The following AGMO variants were observed in gnomAD, a reference collection of about 807,000 sequenced individuals.
AGMO encodes the protein glyceryl-ether monooxygenase.
A neutral mutation model predicts 60.2 loss-of-function variants in AGMO; 75 were observed. The ratio of observed to expected loss-of-function variants is 1.25; its 90% CI spans 1.03 to 1.51. AGMO has a LOEUF of 1.51. Ranked by LOEUF, AGMO falls within the 40% of genes most tolerant of loss-of-function variation. The pLI is 0.00. For missense variants in AGMO, 763 were observed against 525.5 expected, an observed-to-expected ratio of 1.45 and a Z score of -4.42; for synonymous variants, 261 against 177.1, an observed-to-expected ratio of 1.47 and a Z score of -3.76.
At chr7:15,321,503 TC>T (rs1485938568) in intron 12 of AGMO, among the ~76,000 whole-genome samples, 1 of 152,116 alleles carries the variant, frequency 6.6e-6, no homozygotes, top group East Asian at 1.9e-4. Context: ...AGAATGGAGT[TC>T]TTGAGAATGT....
chr7:15,357,850 A>T (rs1011821640), intron 12 of AGMO, among the ~76,000 whole-genome samples: 8 of 152,210 alleles, frequency 5.3e-5, no homozygotes, highest in African/African-American at 1.7e-4. Flanking sequence ...AGAAATAATA[A>T]ATCTTCATTT....
At chr7:15,415,140 T>C (rs1323232379) in intron 5 of AGMO, among the ~76,000 whole-genome samples, 2 of 152,004 alleles carry the variant, frequency 1.3e-5, no homozygotes, top group Admixed American at 6.6e-5. Context: ...TTTCTGTTCA[T>C]GAAAAGTCAT....
Position 15,373,485 on chromosome 7 carries a change from A to G in AGMO, c.1075-7263T>C, listed in dbSNP as rs35067323. Among the ~76,000 whole-genome samples the G allele has an allele frequency of 2.2e-3, 342 of 152,256 alleles. 1 individual carries two copies. Among genetic ancestry groups the G allele is most frequent in the Non-Finnish European group, 3.6e-3 (243 of 68,016 alleles). On this transcript the variant is annotated intron_variant, in intron 10 of 12. Transcript: ENST00000342526. ...TGTTTGACGCCATGTTACTTAATCA[A>G]TGAATGTGTGGGAATTCTTCTTTTG...
At chr7:15,201,417 C>T (rs1781277875) in intron 12 of AGMO, 58 bp from the exon 13 acceptor site, 3 of 1,203,028 alleles carry the variant, frequency 2.5e-6, no homozygotes, top group South Asian at 1.3e-5. Flanking sequence ...TACTATTGCT[C>T]AACTGAATTA....
chr7:15,171,023 T>C, the AGMO span, among the ~76,000 whole-genome samples: 1 of 152,200 alleles, frequency 6.6e-6, no homozygotes, highest in East Asian at 1.9e-4. Flanking sequence ...TCACACAGGC[T>C]GGAGTGCAGT....
At chr7:15,334,738 A>G (rs1781600123) in intron 12 of AGMO, among the ~76,000 whole-genome samples, 1 of 152,196 alleles carries the variant, frequency 6.6e-6, no homozygotes, top group Non-Finnish European at 1.5e-5. Context: ...GCACAAAACC[A>G]GTGTCACTTA....
chr7:15,371,011 G>T (rs114010621), intron 10 of AGMO, among the ~76,000 whole-genome samples: 1 of 151,970 alleles, frequency 6.6e-6, no homozygotes, highest in Admixed American at 6.6e-5. Flanking sequence ...AAAAGCAATG[G>T]GGAAAAGACT....
At position 15,240,466 on chromosome 7, in the gene AGMO, C is replaced by T. The variant is rs560102625; in HGVS notation, c.1264-39107G>A. 6.6e-5 allele frequency among the ~76,000 whole-genome samples: 10 copies of T among 152,218 alleles called. No homozygotes were observed. In the East Asian group the frequency reaches 1.9e-3, roughly 29 times the overall value. ...TCAGTCATTTTGTTCTAAAAATGTT[C>T]CTTCTATCATTTTCTTTCATACACG... On this transcript the variant is annotated intron_variant, in intron 12 of 12. Coordinates refer to ENST00000342526, the MANE Select transcript of AGMO (RefSeq NM_001004320.2).
chr7:15,394,066 A>AT (rs1458826457), intron 6 of AGMO, 47 bp downstream of exon 6: 1 of 1,417,474 alleles, frequency 7.1e-7, no homozygotes, highest in Non-Finnish European at 9.9e-7. Flanking sequence ...TAATAATGCA[A>AT]TTTTTAGAGA....
intron 12 of AGMO, among the ~76,000 whole-genome samples, chr7:15,307,211 C>T (rs1308310031): frequency 1.3e-5 from 2 of 151,754 alleles, no homozygotes; most frequent in Non-Finnish European, 2.9e-5. Flanking sequence ...ATTTATATTC[C>T]CTTATGACAG....
the AGMO span, among the ~76,000 whole-genome samples, chr7:15,146,686 C>G: frequency 2.6e-5 from 4 of 152,114 alleles, no homozygotes; most frequent in African/African-American, 9.7e-5. Flanking sequence ...GGACAGGGCA[C>G]GAGAATTTAA....
At position 15,531,219 on chromosome 7, in the gene AGMO, T is replaced by A. The variant is rs867505887; in HGVS notation, c.409+13553A>T. On this transcript the variant is annotated intron_variant, in intron 3 of 12. Coordinates refer to ENST00000342526, the MANE Select transcript of AGMO (RefSeq NM_001004320.2). ...CTATATATATATTCTATATATTCTATATATATTCTATATATATATTCTATA... is the reference window on the plus strand; with the variant it reads ...CTATATATATATTCTATATATTCTAAATATATTCTATATATATATTCTATA... Among the ~76,000 whole-genome samples the A allele has an allele frequency of 5.4e-5, 5 of 93,132 alleles. No individual in the cohort carries two copies. The South Asian group carries it at 1.3e-3, about 25-fold the overall frequency. The allele number at this position is 93,132 out of a possible 152,430, so 61.1% of individuals were successfully genotyped here.
chr7:15,484,281 C>A (rs567377958), intron 3 of AGMO, among the ~76,000 whole-genome samples: 8 of 152,110 alleles, frequency 5.3e-5, no homozygotes, highest in Non-Finnish European at 1.0e-4. Flanking sequence ...CAGCTATACT[C>A]ATTGAAAATA....
intron 4 of AGMO, among the ~76,000 whole-genome samples, chr7:15,420,014 G>A (rs1031298294): frequency 6.6e-6 from 1 of 152,130 alleles, no homozygotes; most frequent in African/African-American, 2.4e-5. Context: ...TCTAAGTTGA[G>A]GAGTGTTTTG....
intron 2 of AGMO, among the ~76,000 whole-genome samples, chr7:15,545,685 C>A (rs1784760950): frequency 6.6e-6 from 1 of 151,994 alleles, no homozygotes; most frequent in Non-Finnish European, 1.5e-5. Context: ...ATCTTGCCAT[C>A]TATTTATCAA....
chr7:15,385,575 G>T lies in AGMO; in HGVS notation c.958-13C>A. The T allele has an allele frequency of 6.8e-7, 1 of 1,478,566 alleles. No homozygotes were observed. Among genetic ancestry groups the T allele is most frequent in the African/African-American group, 1.4e-5 (1 of 72,062 alleles). The allele number at this position is 1,478,566 out of a possible 1,614,324, so 91.6% of individuals were successfully genotyped here. On this transcript the variant is annotated splice_polypyrimidine_tract_variant and intron_variant, in intron 9 of 12. Coordinates refer to ENST00000342526, the MANE Select transcript of AGMO (RefSeq NM_001004320.2). ...CTTTGCCGGTGACCTAGGGAGACAA[G>T]AACCATTTCCTTTATATTGCTCCAG...
chr7:15,404,625 A>T (rs1000200911), intron 5 of AGMO, among the ~76,000 whole-genome samples: 2 of 151,860 alleles, frequency 1.3e-5, no homozygotes, highest in Admixed American at 1.3e-4. Context: ...ACATTATTTT[A>T]AAAGAAGGCA....
rs371633824 is a variant in AGMO, at chr7:15,230,937, TA to T, written c.1264-29579del. On this transcript the variant is annotated intron_variant, in intron 12 of 12. Coordinates refer to ENST00000342526, the MANE Select transcript of AGMO (RefSeq NM_001004320.2). Reference sequence around the variant, plus strand: ...GGGAAGTCATCACTTTCTCTGGTGTTAAACTCTTGCTTATTCCACTGCACCA... The same window carrying T: ...GGGAAGTCATCACTTTCTCTGGTGTTAACTCTTGCTTATTCCACTGCACCA... 5.4e-3 allele frequency among the ~76,000 whole-genome samples: 828 copies of T among 152,320 alleles called. 5 individuals carry two copies. Among genetic ancestry groups the T allele is most frequent in the African/African-American group, 0.019 (778 of 41,568 alleles).
At chr7:15,495,738 GC>G (rs1783204313) in intron 3 of AGMO, among the ~76,000 whole-genome samples, 2 of 152,060 alleles carry the variant, frequency 1.3e-5, no homozygotes, top group Admixed American at 1.3e-4. Flanking sequence ...TGCTAGTAAG[GC>G]CTTCTTCCTG....
Sources: gnomAD v4.1 joint callset for allele counts (sites outside exome capture counted in the v4.1 genomes callset) on GRCh38, gnomAD v4.1.1 for gene constraint, MANE v1.5 for transcripts, NCBI Gene and HGNC (gene_info 2026-07-23, HGNC 2026-07-21) for gene names.